NECTIN3: variants seen among roughly 807,000 people sequenced by gnomAD.
NECTIN3 encodes nectin-3.
NECTIN3 carries 8 observed loss-of-function variants against 49.4 expected under a neutral mutation model. The observed-to-expected ratio is 0.16, with a 90% CI of 0.10 to 0.29. NECTIN3 has a LOEUF of 0.29. Ranked by LOEUF, NECTIN3 falls within the 10% of genes least tolerant of loss-of-function variation. The pLI is 1.00. For synonymous variants in NECTIN3, 277 were observed against 241.1 expected (o/e 1.15, Z -1.38); for missense variants, 581 against 654.6 (o/e 0.89, Z 1.23).
intron 1 of NECTIN3, among the ~76,000 whole-genome samples, chr3:111,105,430 GC>G (rs2033136560): frequency 6.6e-6 from 1 of 152,018 alleles, no homozygotes; most frequent in Non-Finnish European, 1.5e-5. Context: ...ACTGCACCCA[GC>G]CCTTATTTTC....
intron 7 of NECTIN3, among the ~76,000 whole-genome samples, chr3:111,162,403 T>A (rs1212434333): frequency 6.6e-6 from 1 of 152,110 alleles, no homozygotes; most frequent in Non-Finnish European, 1.5e-5. Flanking sequence ...TAAGTTCTCA[T>A]GAGACCTGAT....
At chr3:111,193,274 C>T in intron 1 of NECTIN3, 3 of 1,535,568 alleles carry the variant, frequency 2.0e-6, no homozygotes, top group Middle Eastern at 1.7e-4. Flanking sequence ...AGCAGATGTA[C>T]CCCCTTTACA....
rs529240368 is a variant in NECTIN3, at chr3:111,074,159, A to G, written c.160+1982A>G. On this transcript the variant is annotated intron_variant, in intron 1 of 5. Coordinates refer to ENST00000485303, the MANE Select transcript of NECTIN3 (RefSeq NM_015480.3). ...TGAACCTTTATGACGAGTTTTTTCC[A>G]TCAACCTTTATTTTGGAATTAAGTC... The G allele has an allele frequency of 1.6e-4, 70 of 449,174 alleles. 1 individual carries two copies. Among genetic ancestry groups the G allele is most frequent in the Admixed American group, 1.3e-3 (55 of 41,738 alleles). 27.8% of individuals were successfully genotyped at this position (449,174 alleles called of 1,614,324 possible). A position where few individuals can be genotyped will look rare whatever the true frequency, so the allele number is the denominator to read the frequency against.
upstream of NECTIN3, among the ~76,000 whole-genome samples, chr3:111,189,509 C>G (rs573781128): frequency 1.7e-4 from 26 of 152,260 alleles, no homozygotes; most frequent in African/African-American, 5.5e-4. Flanking sequence ...AATTCACACC[C>G]ACCCCCTTTA....
At chr3:111,190,397 C>T (rs963681485), upstream of NECTIN3, among the ~76,000 whole-genome samples, 10 of 152,152 alleles carry the variant, frequency 6.6e-5, no homozygotes, top group Non-Finnish European at 1.3e-4. Context: ...CACAAACCCA[C>T]ATTAAGGTAG....
downstream of NECTIN3, among the ~76,000 whole-genome samples, chr3:111,138,959 A>T (rs1232822951): frequency 6.6e-6 from 1 of 151,516 alleles, no homozygotes; most frequent in East Asian, 1.9e-4. Context: ...GGCCTTTCTT[A>T]AAAAACAACA....
chr3:111,122,381 A>C, intron 4 of NECTIN3, 143 bp downstream of exon 4: 1 of 577,048 alleles, frequency 1.7e-6, no homozygotes, highest in Non-Finnish European at 2.9e-6. Context: ...ATCCTTCCCC[A>C]CCTGTCCCCA....
chr3:111,124,340 G>T lies in NECTIN3; in HGVS notation c.918-1844G>T, dbSNP rs555513966. On this transcript the variant is annotated intron_variant, in intron 4 of 5. Transcript: ENST00000485303. ...TGTGAGGTACAGACAATGAATATAA[G>T]TCATGTAACATAGACACAAGGGCAT... Among the ~76,000 whole-genome samples the T allele has an allele frequency of 3.9e-5, 6 of 152,204 alleles. No homozygotes were observed. In the South Asian group the frequency reaches 1.2e-3, roughly 31 times the overall value.
intron 1 of NECTIN3, among the ~76,000 whole-genome samples, chr3:111,108,512 A>G (rs1192261324): frequency 6.6e-6 from 1 of 152,054 alleles, no homozygotes; most frequent in Non-Finnish European, 1.5e-5. Flanking sequence ...TTCCAATACT[A>G]CCTGTCTTAG....
intron 1 of NECTIN3, among the ~76,000 whole-genome samples, chr3:111,093,582 G>A (rs886645233): frequency 2.0e-5 from 3 of 151,862 alleles, no homozygotes; most frequent in South Asian, 2.1e-4. Context: ...TTACAGGCAC[G>A]TGCCACCACG....
chr3:111,101,658 T>G (rs528816505), intron 1 of NECTIN3, among the ~76,000 whole-genome samples: 1 of 152,286 alleles, frequency 6.6e-6, no homozygotes, highest in South Asian at 2.1e-4. Context: ...TCAGTATGAT[T>G]GTCACTAGCT....
chr3:111,087,938 T>G (rs1576079737), intron 1 of NECTIN3, among the ~76,000 whole-genome samples: 2 of 152,028 alleles, frequency 1.3e-5, no homozygotes, highest in East Asian at 3.9e-4. Context: ...CCTCAAGCAA[T>G]CTACCCTCCT....
intron 5 of NECTIN3, among the ~76,000 whole-genome samples, chr3:111,131,056 A>G (rs183813671): frequency 2.0e-5 from 3 of 152,216 alleles, no homozygotes; most frequent in Admixed American, 2.0e-4. Flanking sequence ...CTTAAACATT[A>G]AAATGCATTA....
chr3:111,143,167 T>G (rs2034791901), intron 5 of NECTIN3, among the ~76,000 whole-genome samples: 1 of 151,878 alleles, frequency 6.6e-6, no homozygotes, highest in South Asian at 2.1e-4. Context: ...TCTCTCACAT[T>G]TACAAGTGCA....
rs1159334480 is a variant in NECTIN3 at position 111,077,366 on chromosome 3, T to G, written c.160+5189T>G. On this transcript the variant is annotated intron_variant, in intron 1 of 5. Transcript: ENST00000485303. ...TGGTAAAAAAAAAAAAAAAAAAAGA[T>G]CAAACTTGTTCTTAAATAGGTTGGC... The G allele has an allele frequency of 3.5e-5, 4 of 112,682 alleles. No individual in the cohort carries two copies. The East Asian group carries it at 5.3e-4, about 15-fold the overall frequency. The allele number at this position is 112,682 out of a possible 1,614,324, so 7.0% of individuals were successfully genotyped here.
chr3:111,125,453 G>A (rs1430031515), intron 4 of NECTIN3, among the ~76,000 whole-genome samples: 1 of 152,068 alleles, frequency 6.6e-6, no homozygotes, highest in Non-Finnish European at 1.5e-5. Context: ...GCCTAGTTCC[G>A]TTACAGTGAA....
intron 7 of NECTIN3, among the ~76,000 whole-genome samples, chr3:111,181,067 C>A (rs2035619456): frequency 6.6e-6 from 1 of 152,106 alleles, no homozygotes; most frequent in South Asian, 2.1e-4. Flanking sequence ...TTTTCCATCA[C>A]CTGAAAAATT....
intron 1 of NECTIN3, among the ~76,000 whole-genome samples, chr3:111,105,885 T>C (rs926700879): frequency 6.6e-6 from 1 of 152,204 alleles, no homozygotes; most frequent in African/African-American, 2.4e-5. Context: ...TACTCCTTCA[T>C]GTCTGTAAGG....
intron 7 of NECTIN3, among the ~76,000 whole-genome samples, chr3:111,185,211 G>T (rs981264979): frequency 6.6e-6 from 1 of 152,000 alleles, no homozygotes; most frequent in Non-Finnish European, 1.5e-5. Context: ...CCTAAATGCC[G>T]AACTCTGTCT....
Sources: allele counts gnomAD v4.1 joint callset (sites outside exome capture counted in the v4.1 genomes callset), GRCh38; gene constraint gnomAD v4.1.1; transcripts MANE v1.5; gene names NCBI Gene and HGNC (gene_info 2026-07-23, HGNC 2026-07-21).